MAGI2: variants seen among roughly 807,000 people sequenced by gnomAD.
MAGI2 encodes membrane associated guanylate kinase, WW and PDZ domain containing 2.
A neutral mutation model predicts 133.3 loss-of-function variants in MAGI2; 35 were observed. The observed-to-expected ratio is 0.26, with a 90% CI of 0.20 to 0.35. The LOEUF is 0.35. Ranked by LOEUF, MAGI2 falls within the 10% of genes least tolerant of loss-of-function variation. MAGI2 has a pLI of 1.00. For missense variants in MAGI2, 1,636 were observed against 1,863.4 expected (o/e 0.88, Z 2.25); for synonymous variants, 729 against 710.6 (o/e 1.03, Z -0.41).
At chr7:79,169,120 G>T (rs1224291013) in intron 1 of MAGI2, among the ~76,000 whole-genome samples, 1 of 151,756 alleles carries the variant, frequency 6.6e-6, no homozygotes, top group African/African-American at 2.4e-5. Flanking sequence ...CAAGATCTTT[G>T]TCTATGTTTA....
chr7:79,103,569 A>C (rs956230651), intron 1 of MAGI2, among the ~76,000 whole-genome samples: 6 of 152,234 alleles, frequency 3.9e-5, no homozygotes, highest in African/African-American at 1.2e-4. Flanking sequence ...GAACAGGCAA[A>C]CTTAGTTCTT....
intron 11 of MAGI2, among the ~76,000 whole-genome samples, chr7:78,200,698 CACAT>C (rs1328072245): frequency 6.6e-6 from 1 of 152,022 alleles, no homozygotes; most frequent in African/African-American, 2.4e-5. Context: ...ATACACATGA[CACAT>C]ACACACATGT....
chr7:78,320,557 T>C (rs181016015), intron 9 of MAGI2, among the ~76,000 whole-genome samples: 25 of 152,252 alleles, frequency 1.6e-4, no homozygotes, highest in African/African-American at 5.5e-4. Flanking sequence ...AAAAGGCCTT[T>C]GACAAAATTC....
intron 20 of MAGI2, among the ~76,000 whole-genome samples, chr7:78,089,258 T>G (rs185373200): frequency 7.2e-4 from 110 of 152,356 alleles, no homozygotes; most frequent in African/African-American, 2.4e-3. Flanking sequence ...GATCTCCTGC[T>G]GATGCTTCTC....
At chr7:78,822,071 C>T (rs1009285480) in intron 2 of MAGI2, among the ~76,000 whole-genome samples, 1 of 151,908 alleles carries the variant, frequency 6.6e-6, no homozygotes, top group Non-Finnish European at 1.5e-5. Context: ...ACAGAACTGA[C>T]CATATATTGA....
intron 1 of MAGI2, among the ~76,000 whole-genome samples, chr7:79,299,770 G>T (rs1837248538): frequency 6.6e-6 from 1 of 152,072 alleles, no homozygotes; most frequent in African/African-American, 2.4e-5. Flanking sequence ...TAGAGGAGGG[G>T]CCTAGTGGGA....
intron 1 of MAGI2, among the ~76,000 whole-genome samples, chr7:79,108,598 T>C (rs539112026): frequency 6.6e-6 from 1 of 152,374 alleles, no homozygotes; most frequent in Non-Finnish European, 1.5e-5. Context: ...GCCCAAAGGC[T>C]ACTTTGTCTC....
rs1176426138 is a variant in MAGI2, at chr7:79,416,725, C to CTTTTTTTTTTTTTTTTTTTTT, written c.301+36294_301+36295insAAAAAAAAAAAAAAAAAAAAA. ...TTCTTTTTTCTTTTCTTTTCTTTTTCTTTTTCTTTTTTTTTTTTTGAGGTG... is the reference window on the plus strand; with the variant it reads ...TTCTTTTTTCTTTTCTTTTCTTTTTCTTTTTTTTTTTTTTTTTTTTTTTTTTCTTTTTTTTTTTTTGAGGTG... On this transcript the variant is annotated intron_variant, in intron 1 of 21. Coordinates refer to ENST00000354212, the MANE Select transcript of MAGI2 (RefSeq NM_012301.4). Among the ~76,000 whole-genome samples the CTTTTTTTTTTTTTTTTTTTTT allele has an allele frequency of 1.2e-3, 119 of 102,458 alleles. 21 individuals are homozygous for CTTTTTTTTTTTTTTTTTTTTT. The highest frequency in any genetic ancestry group is 4.2e-3 in the African/African-American group (100 of 24,044). The allele number at this position is 102,458 out of a possible 152,430, so 67.2% of individuals were successfully genotyped here.
intron 1 of MAGI2, among the ~76,000 whole-genome samples, chr7:79,256,026 T>G (rs985177131): frequency 2.6e-5 from 4 of 152,164 alleles, no homozygotes; most frequent in African/African-American, 9.7e-5. Flanking sequence ...GCATCATTTC[T>G]TATCTAGAAG....
At chr7:78,603,905 A>G (rs1292623011) in intron 3 of MAGI2, among the ~76,000 whole-genome samples, 1 of 152,202 alleles carries the variant, frequency 6.6e-6, no homozygotes, top group African/African-American at 2.4e-5. Context: ...TTGAACACCT[A>G]CTATATGACA....
chr7:79,321,827 C>T (rs1046327268), intron 1 of MAGI2, among the ~76,000 whole-genome samples: 3 of 152,152 alleles, frequency 2.0e-5, no homozygotes, highest in Admixed American at 1.3e-4. Flanking sequence ...TAGGCAATGA[C>T]CTACATTTCT....
chr7:78,645,025 A>G (rs1189433489), intron 2 of MAGI2, among the ~76,000 whole-genome samples: 1 of 150,372 alleles, frequency 6.7e-6, no homozygotes, highest in African/African-American at 2.4e-5. Flanking sequence ...GAAATGAACA[A>G]AATTTTTGAA....
At chr7:78,061,055 A>G (rs115688035) in intron 21 of MAGI2, among the ~76,000 whole-genome samples, 6,994 of 151,472 alleles carry the variant, frequency 0.046, 357 homozygotes, top group East Asian at 0.13. Flanking sequence ...AATTCTAGCT[A>G]CCTGGGAGAC....
chr7:79,364,279 G>A (rs1046305909), intron 1 of MAGI2, among the ~76,000 whole-genome samples: 6 of 152,048 alleles, frequency 3.9e-5, no homozygotes, highest in Middle Eastern at 3.4e-3. Flanking sequence ...ACATCAAAGA[G>A]ATATGAAGAC....
chr7:79,240,358 G>GAAA (rs762841388), intron 1 of MAGI2, among the ~76,000 whole-genome samples: 2 of 88,436 alleles, frequency 2.3e-5, no homozygotes, highest in African/African-American at 3.8e-5. Flanking sequence ...TTATCAGAAT[G>GAAA]AAAAAAAAAA....
chr7:79,326,135 A>T (rs1272057613), intron 1 of MAGI2, among the ~76,000 whole-genome samples: 1 of 152,176 alleles, frequency 6.6e-6, no homozygotes, highest in Non-Finnish European at 1.5e-5. Context: ...CATTTACTAC[A>T]CTGTGGAACC....
At chr7:78,803,487 A>AT (rs200081762) in intron 2 of MAGI2, among the ~76,000 whole-genome samples, 23 of 151,156 alleles carry the variant, frequency 1.5e-4, no homozygotes, top group African/African-American at 4.4e-4. Flanking sequence ...ACATTTATTT[A>AT]TTTTTTTTTT....
intron 2 of MAGI2, among the ~76,000 whole-genome samples, chr7:78,660,755 T>A (rs1440445311): frequency 6.6e-6 from 1 of 152,212 alleles, no homozygotes; most frequent in East Asian, 1.9e-4. Context: ...TACATTAACA[T>A]GCCCTAATTT....
chr7:78,022,365 A>G (rs1808483633), intron 21 of MAGI2, among the ~76,000 whole-genome samples: 1 of 152,212 alleles, frequency 6.6e-6, no homozygotes, highest in South Asian at 2.1e-4. Flanking sequence ...TACATCACAT[A>G]TGGTAGAGTT....
Sources: gnomAD v4.1 joint callset for allele counts (sites outside exome capture counted in the v4.1 genomes callset) on GRCh38, gnomAD v4.1.1 for gene constraint, MANE v1.5 for transcripts, NCBI Gene and HGNC (gene_info 2026-07-23, HGNC 2026-07-21) for gene names.